The following CBLN2 variants were observed in gnomAD, a reference collection of about 807,000 sequenced individuals.
The protein encoded by CBLN2 is cerebellin-2.
CBLN2 carries 7 observed loss-of-function variants against 15.0 expected under a neutral mutation model. The observed-to-expected ratio is 0.47, with a 90% CI of 0.27 to 0.88. CBLN2 has a LOEUF of 0.88. Ranked by LOEUF, CBLN2 falls within the 40% of genes least tolerant of loss-of-function variation. CBLN2 has a pLI of 0.14. For missense variants in CBLN2, 242 were observed against 304.5 expected, an observed-to-expected ratio of 0.79 and a Z score of 1.53; for synonymous variants, 149 against 135.2, an observed-to-expected ratio of 1.10 and a Z score of -0.71.
At chr18:72,627,063 T>C (rs2069744749) in intron 1 of CBLN2, among the ~76,000 whole-genome samples, 1 of 152,224 alleles carries the variant, frequency 6.6e-6, no homozygotes, top group African/African-American at 2.4e-5. Flanking sequence ...TTGGAGTTGA[T>C]TTATTTTTAC....
upstream of CBLN2, among the ~76,000 whole-genome samples, chr18:72,547,237 T>C (rs1480115727): frequency 6.6e-6 from 1 of 152,048 alleles, no homozygotes; most frequent in Non-Finnish European, 1.5e-5. Context: ...GCCTCTATCT[T>C]AAGCGAAATA....
chr18:72,583,427 A>G lies in CBLN2; in HGVS notation c.16-44655T>C, dbSNP rs144360939. On this transcript the variant is annotated intron_variant, in intron 1 of 2. Coordinates refer to the CBLN2 transcript ENST00000581073. The stretch of plus-strand genomic sequence containing the variant: ...GCAAACACAAGCATACACTCATGCT[A>G]TACTTTGGGGGCTCAATACTGCTCC... 9.0e-4 allele frequency among the ~76,000 whole-genome samples: 137 copies of G among 152,208 alleles called. No homozygotes were observed. In the East Asian group the frequency reaches 0.022, roughly 24 times the overall value.
rs755840778 is a variant in CBLN2, at chr18:72,542,050, G to A, written c.111C>T (p.Ala37=). ...GCGSCLGVAL[A]LLLLLLPACC... is the part of the protein sequence containing the mutation. ...AGGCGGGCAGTAGCAGCAACAGCAG[G>A]GCCAGCGCCACCCCCAGGCAGGATC... is the stretch of plus-strand genomic sequence containing the variant. The change falls in exon 3 of 5, where the codon GCC becomes GCT. Residue 37 remains alanine, a synonymous_variant. Coordinates refer to ENST00000269503, the MANE Select transcript of CBLN2 (RefSeq NM_182511.4). The A allele has an allele frequency of 1.9e-6, 3 of 1,584,750 alleles. No individual in the cohort carries two copies. Among genetic ancestry groups the A allele is most frequent in the African/African-American group, 1.4e-5 (1 of 72,822 alleles).
chr18:72,615,033 G>GTAAA (rs1332829230), intron 1 of CBLN2, among the ~76,000 whole-genome samples: 1,645 of 121,878 alleles, frequency 0.013, 21 homozygotes, highest in African/African-American at 0.029. Context: ...AGGAGATCAA[G>GTAAA]TACATATATA....
intron 2 of CBLN2, 53 bp from the exon 3 acceptor site, chr18:72,542,379 A>G (rs2069122694): frequency 3.9e-6 from 1 of 256,908 alleles, no homozygotes. Flanking sequence ...GCCACCGGGA[A>G]GAAGGGGGAC....
At chr18:72,554,130 T>C (rs1199234437) in intron 1 of CBLN2, among the ~76,000 whole-genome samples, 1 of 152,188 alleles carries the variant, frequency 6.6e-6, no homozygotes, top group Non-Finnish European at 1.5e-5. Context: ...ATGAAGAATG[T>C]TTAACGAATT....
chr18:72,551,407 A>G (rs1369556722), intron 1 of CBLN2, among the ~76,000 whole-genome samples: 1 of 152,168 alleles, frequency 6.6e-6, no homozygotes, highest in East Asian at 1.9e-4. Context: ...AGAAGACTGG[A>G]CACATTTTAA....
intron 1 of CBLN2, among the ~76,000 whole-genome samples, chr18:72,600,989 C>T (rs1226047060): frequency 6.6e-6 from 1 of 152,156 alleles, no homozygotes; most frequent in Non-Finnish European, 1.5e-5. Context: ...TTAGGTTCTA[C>T]AATAGTGATG....
intron 1 of CBLN2, among the ~76,000 whole-genome samples, chr18:72,588,146 T>G (rs1323608986): frequency 6.6e-6 from 1 of 152,204 alleles, no homozygotes; most frequent in Non-Finnish European, 1.5e-5. Context: ...TTCCATCCTA[T>G]CACTTATTCA....
chr18:72,561,659 A>G (rs1025631010), intron 1 of CBLN2, among the ~76,000 whole-genome samples: 1 of 152,206 alleles, frequency 6.6e-6, no homozygotes, highest in Admixed American at 6.5e-5. Context: ...TCACACCACC[A>G]CTATAGTGCG....
At chr18:72,555,508 C>T (rs1269549381) in intron 1 of CBLN2, among the ~76,000 whole-genome samples, 1 of 151,722 alleles carries the variant, frequency 6.6e-6, no homozygotes, top group Non-Finnish European at 1.5e-5. Flanking sequence ...GAGTTGTTGC[C>T]GTTGAAAGTA....
At chr18:72,556,868 C>A (rs1254075676) in intron 1 of CBLN2, among the ~76,000 whole-genome samples, 4 of 151,958 alleles carry the variant, frequency 2.6e-5, no homozygotes, top group Admixed American at 2.6e-4. Context: ...GAAAAAAAAA[C>A]TCTTAAAACC....
chr18:72,607,678 C>CCT (rs137899122), intron 1 of CBLN2, among the ~76,000 whole-genome samples: 31 of 149,586 alleles, frequency 2.1e-4, no homozygotes, highest in African/African-American at 6.7e-4. Flanking sequence ...TATGTAGATA[C>CCT]CTCTCTCTCT....
At chr18:72,629,588 C>G (rs2069762040) in intron 1 of CBLN2, among the ~76,000 whole-genome samples, 1 of 152,056 alleles carries the variant, frequency 6.6e-6, no homozygotes, top group African/African-American at 2.4e-5. Flanking sequence ...ATAAATCTAA[C>G]TTTAATTTTG....
At chr18:72,598,158 A>G (rs2069525118) in intron 1 of CBLN2, among the ~76,000 whole-genome samples, 1 of 152,198 alleles carries the variant, frequency 6.6e-6, no homozygotes, top group Admixed American at 6.5e-5. Context: ...TAGGTCACAC[A>G]TAAAACCAGC....
chr18:72,595,466 ATG>A (rs2069507437), intron 1 of CBLN2, among the ~76,000 whole-genome samples: 1 of 152,150 alleles, frequency 6.6e-6, no homozygotes, highest in Non-Finnish European at 1.5e-5. Context: ...AGAATAATCC[ATG>A]TGCTGAAGAG....
intron 3 of CBLN2, chr18:72,539,987 C>T (rs2069096970): frequency 6.6e-6 from 1 of 152,180 alleles, no homozygotes; most frequent in Non-Finnish European, 1.5e-5. Context: ...ATGACAATCG[C>T]CGAAATGACT....
At chr18:72,628,665 T>A (rs1267431926) in intron 1 of CBLN2, among the ~76,000 whole-genome samples, 1 of 152,218 alleles carries the variant, frequency 6.6e-6, no homozygotes, top group Non-Finnish European at 1.5e-5. Flanking sequence ...CAGACAACAG[T>A]CCTTCATTGA....
intron 1 of CBLN2, among the ~76,000 whole-genome samples, chr18:72,598,032 T>C (rs2069524358): frequency 6.6e-6 from 1 of 152,166 alleles, no homozygotes; most frequent in Admixed American, 6.5e-5. Flanking sequence ...TTGTGCTCTA[T>C]ACCACCGTGG....
Sources: allele counts gnomAD v4.1 joint callset (sites outside exome capture counted in the v4.1 genomes callset), GRCh38; gene constraint gnomAD v4.1.1; transcripts MANE v1.5; gene names NCBI Gene and HGNC (gene_info 2026-07-23, HGNC 2026-07-21).